Variants in CCDC30 observed in about 807,000 individuals in gnomAD.
CCDC30 encodes coiled-coil domain-containing protein 30.
A neutral mutation model predicts 100.2 loss-of-function variants in CCDC30; 70 were observed. That is an observed-to-expected ratio of 0.70 (90% CI 0.58 to 0.85). The LOEUF (loss-of-function observed/expected upper bound fraction) is 0.85. Among genes scored for constraint, CCDC30 ranks in the 40% least tolerant of loss-of-function variants. The pLI is 0.00. For missense variants in CCDC30, 652 were observed against 771.2 expected (o/e 0.85, Z 1.83); for synonymous variants, 233 against 269.5 (o/e 0.86, Z 1.33).
chr1:42,476,645 G>A (rs1034493215), intron 1 of CCDC30, among the ~76,000 whole-genome samples: 5 of 150,826 alleles, frequency 3.3e-5, no homozygotes, highest in Non-Finnish European at 5.9e-5. Flanking sequence ...AGCGGAGATT[G>A]TGCCGTTGCA....
At position 42,509,599 on chromosome 1, in the gene CCDC30, G is replaced by A. The variant is rs146435862; in HGVS notation, c.456+10683G>A. Among the ~76,000 whole-genome samples, 794 of 152,266 alleles carry A rather than the reference G, an allele frequency of 5.2e-3. 8 individuals carry two copies. Among genetic ancestry groups the A allele is most frequent in the African/African-American group, 0.018 (767 of 41,552 alleles). The stretch of plus-strand genomic sequence containing the variant: ...TGTTCCGAAGGACATAAAACAAGAA[G>A]AGGCCTGTAGCAAAGTTTGTTACTG... On this transcript the variant is annotated intron_variant, in intron 6 of 16. Coordinates refer to ENST00000668663, the Ensembl canonical transcript of CCDC30.
intron 6 of CCDC30, among the ~76,000 whole-genome samples, chr1:42,554,331 G>A (rs909501038): frequency 4.7e-5 from 7 of 147,712 alleles, no homozygotes; most frequent in South Asian, 2.1e-4. Context: ...AGGCTGGAGC[G>A]CAATAGTGCA....
rs146736751 is a variant in CCDC30, at chr1:42,630,511, T to C, written c.1278-6726T>C. Among the ~76,000 whole-genome samples the C allele has an allele frequency of 1.7e-4, 26 of 152,032 alleles. No individual in the cohort carries two copies. The East Asian group carries it at 4.9e-3, about 28-fold the overall frequency. ...AATTATCCTACCTCGACCTCCTGAG[T>C]AGCTGGAATTATAGGTGCGTGCCAC... On this transcript the variant is annotated intron_variant, in intron 11 of 16. Transcript: ENST00000668663.
intron 6 of CCDC30, among the ~76,000 whole-genome samples, chr1:42,549,182 T>G (rs1645201037): frequency 6.6e-6 from 1 of 152,156 alleles, no homozygotes. Flanking sequence ...CCATTCCCAT[T>G]TCACCCAGAG....
chr1:42,631,246 G>T (rs996573624), intron 11 of CCDC30, among the ~76,000 whole-genome samples: 1 of 152,196 alleles, frequency 6.6e-6, no homozygotes, highest in African/African-American at 2.4e-5. Flanking sequence ...TCTTGGAAAA[G>T]ATCTGGATGA....
intron 11 of CCDC30, among the ~76,000 whole-genome samples, chr1:42,632,786 C>T (rs546934710): frequency 3.3e-5 from 5 of 151,290 alleles, no homozygotes; most frequent in East Asian, 2.0e-4. Flanking sequence ...AAATAAATAA[C>T]GTAAGCTATA....
upstream of CCDC30, among the ~76,000 whole-genome samples, chr1:42,461,466 G>A (rs1187707659): frequency 2.0e-5 from 3 of 152,048 alleles, no homozygotes; most frequent in African/African-American, 7.2e-5. Context: ...CTTCTGAGCA[G>A]CTGAGACTAC....
intron 6 of CCDC30, among the ~76,000 whole-genome samples, chr1:42,549,537 A>G (rs1035988913): frequency 6.6e-6 from 1 of 152,234 alleles, no homozygotes; most frequent in East Asian, 1.9e-4. Context: ...AATGAGCTTT[A>G]TGGTGCTGAA....
chr1:42,616,590 G>A (rs1646731613), intron 11 of CCDC30, among the ~76,000 whole-genome samples: 1 of 152,118 alleles, frequency 6.6e-6, no homozygotes, highest in African/African-American at 2.4e-5. Flanking sequence ...TCAAATCAAA[G>A]TATAGACAAC....
At chr1:42,656,573 G>A (rs1288280073), downstream of CCDC30, among the ~76,000 whole-genome samples, 1 of 152,196 alleles carries the variant, frequency 6.6e-6, no homozygotes, top group African/African-American at 2.4e-5. Flanking sequence ...AGAAGTTTCA[G>A]TGAGCTGAGA....
the CCDC30 span, chr1:42,457,263 T>A: frequency 1.2e-5 from 20 of 1,614,016 alleles, no homozygotes; most frequent in Non-Finnish European, 1.7e-5. Flanking sequence ...CTGCGATGTT[T>A]TACCTGGCTG....
chr1:42,611,077 A>C (rs1353944071), exon 11 of CCDC30: 2 of 1,594,354 alleles, frequency 1.3e-6, no homozygotes, highest in Admixed American at 3.3e-5. Flanking sequence ...GAAGCTGCTT[A>C]ATGTCCATGT....
At chr1:42,571,269 T>G (rs1645726992) in intron 7 of CCDC30, 1 of 152,246 alleles carries the variant, frequency 6.6e-6, no homozygotes, top group South Asian at 2.1e-4. Flanking sequence ...TTACCAAATA[T>G]TCCAGAACAC....
intron 10 of CCDC30, among the ~76,000 whole-genome samples, chr1:42,597,649 T>G (rs113482458): frequency 0.012 from 1,846 of 151,870 alleles, 31 homozygotes; most frequent in African/African-American, 0.041. Flanking sequence ...AAAAAGTTTT[T>G]TAATTAGCTG....
chr1:42,518,355 T>A (rs1644586491), intron 6 of CCDC30, among the ~76,000 whole-genome samples: 1 of 152,164 alleles, frequency 6.6e-6, no homozygotes, highest in South Asian at 2.1e-4. Context: ...TCTAAGAAGT[T>A]TTTTTGGTGA....
intron 11 of CCDC30, among the ~76,000 whole-genome samples, chr1:42,629,053 A>C (rs932520586): frequency 6.6e-6 from 1 of 152,220 alleles, no homozygotes; most frequent in Admixed American, 6.5e-5. Context: ...TCTACTTAAG[A>C]GTAGTTTACA....
chr1:42,626,424 T>A (rs1041228848), intron 11 of CCDC30, among the ~76,000 whole-genome samples: 5 of 152,202 alleles, frequency 3.3e-5, no homozygotes, highest in Admixed American at 1.3e-4. Flanking sequence ...TTGTTTGTAG[T>A]CTTCTCTTCC....
intron 9 of CCDC30, among the ~76,000 whole-genome samples, chr1:42,586,738 A>G (rs1246284694): frequency 2.0e-5 from 3 of 152,188 alleles, no homozygotes; most frequent in Admixed American, 2.0e-4. Flanking sequence ...AAAAATATAT[A>G]TATAAGAAAG....
intron 11 of CCDC30, among the ~76,000 whole-genome samples, chr1:42,616,409 T>A (rs954264887): frequency 6.6e-6 from 1 of 152,238 alleles, no homozygotes; most frequent in African/African-American, 2.4e-5. Flanking sequence ...GATTCTAATG[T>A]GCATCCGAGG....
Sources: allele counts gnomAD v4.1 joint callset (sites outside exome capture counted in the v4.1 genomes callset), GRCh38; gene constraint gnomAD v4.1.1; transcripts MANE v1.5; gene names NCBI Gene and HGNC (gene_info 2026-07-23, HGNC 2026-07-21).